The following TNRC6B variants were observed in gnomAD, a reference collection of about 807,000 sequenced individuals.
TNRC6B encodes the protein trinucleotide repeat-containing gene 6B protein.
In TNRC6B, 52 loss-of-function variants were observed where a neutral mutation model predicts 203.6. The ratio of observed to expected loss-of-function variants is 0.26; its 90% CI spans 0.20 to 0.32. TNRC6B has a LOEUF of 0.32. Among genes scored for constraint, TNRC6B ranks in the 10% least tolerant of loss-of-function variants. The pLI is 1.00. For synonymous variants in TNRC6B, 838 were observed against 845.7 expected (o/e 0.99, Z 0.16); for missense variants, 1,923 against 2,286.2 (o/e 0.84, Z 3.24).
At chr22:40,315,898 T>C (rs1264208529) in intron 20 of TNRC6B, 44 bp from the exon 21 acceptor site, 1 of 1,482,234 alleles carries the variant, frequency 6.7e-7, no homozygotes, top group Non-Finnish European at 9.3e-7. Flanking sequence ...TTTTCTTGTT[T>C]TTGTTTTATT....
upstream of TNRC6B, among the ~76,000 whole-genome samples, chr22:40,177,508 C>T (rs756376665): frequency 1.2e-4 from 19 of 152,080 alleles, no homozygotes; most frequent in Admixed American, 3.3e-4. Context: ...CCCTGTATTT[C>T]ACCTCATTCT....
At chr22:40,299,169 A>C (rs1400618490) in intron 12 of TNRC6B, among the ~76,000 whole-genome samples, 5 of 151,614 alleles carry the variant, frequency 3.3e-5, no homozygotes, top group African/African-American at 9.7e-5. Context: ...AAAAAAAAAA[A>C]AAAAACAAAA....
intron 12 of TNRC6B, among the ~76,000 whole-genome samples, chr22:40,295,149 C>T (rs1358187573): frequency 6.6e-6 from 1 of 152,068 alleles, no homozygotes; most frequent in African/African-American, 2.4e-5. Context: ...GAAACCTGAA[C>T]TTGGTCAAAT....
At chr22:40,198,686 C>G (rs1475060337) in intron 1 of TNRC6B, among the ~76,000 whole-genome samples, 1 of 152,098 alleles carries the variant, frequency 6.6e-6, no homozygotes, top group African/African-American at 2.4e-5. Context: ...AGAATTAACC[C>G]TGTGATGCTA....
At chr22:40,214,131 G>T (rs1307977453) in intron 1 of TNRC6B, among the ~76,000 whole-genome samples, 1 of 152,098 alleles carries the variant, frequency 6.6e-6, no homozygotes, top group East Asian at 1.9e-4. Context: ...GCCGGGCGTG[G>T]TGGTGCGCAC....
chr22:40,316,752 A>G (rs575744922), intron 21 of TNRC6B, among the ~76,000 whole-genome samples: 4 of 152,302 alleles, frequency 2.6e-5, no homozygotes, highest in African/African-American at 9.6e-5. Context: ...TTCACAGTCT[A>G]CTTCTGGAGA....
intron 1 of TNRC6B, among the ~76,000 whole-genome samples, chr22:40,091,186 T>C (rs2068148040): frequency 6.6e-6 from 1 of 152,030 alleles, no homozygotes; most frequent in Admixed American, 6.6e-5. Flanking sequence ...GGTTTCACCG[T>C]GTTAGCCAGG....
intron 1 of TNRC6B, among the ~76,000 whole-genome samples, chr22:40,231,465 A>AT (rs1220557330): frequency 1.3e-5 from 2 of 152,196 alleles, no homozygotes; most frequent in East Asian, 3.8e-4. Flanking sequence ...CAGGACTTGC[A>AT]TATTTTTGTC....
intron 1 of TNRC6B, among the ~76,000 whole-genome samples, chr22:40,059,141 A>G (rs930227099): frequency 6.6e-6 from 1 of 151,972 alleles, no homozygotes; most frequent in Non-Finnish European, 1.5e-5. Context: ...TTTTGTCCCC[A>G]TGCTCTATAA....
chr22:40,273,687 C>A, intron 7 of TNRC6B, 87 bp downstream of exon 7: 1 of 1,390,098 alleles, frequency 7.2e-7, no homozygotes, highest in Non-Finnish European at 9.6e-7. Context: ...TGTTTTGAGA[C>A]AAGTTCTCCC....
intron 3 of TNRC6B, among the ~76,000 whole-genome samples, chr22:40,151,041 A>G (rs752429068): frequency 1.3e-5 from 2 of 152,226 alleles, no homozygotes; most frequent in East Asian, 1.9e-4. Flanking sequence ...ATAAAAATCT[A>G]TGAATGAAAG....
chr22:40,090,017 T>C (rs746862536), intron 1 of TNRC6B, among the ~76,000 whole-genome samples: 7 of 152,258 alleles, frequency 4.6e-5, no homozygotes, highest in Middle Eastern at 6.3e-3. Flanking sequence ...GCTTGATAGC[T>C]CATTTCATTT....
At chr22:40,054,104 C>CACCTG (rs2067772989) in intron 1 of TNRC6B, among the ~76,000 whole-genome samples, 1 of 152,160 alleles carries the variant, frequency 6.6e-6, no homozygotes, top group Non-Finnish European at 1.5e-5. Context: ...GTAGTCCCAG[C>CACCTG]TACTCAGGAG....
chr22:40,233,389 C>A (rs998393309), intron 1 of TNRC6B, among the ~76,000 whole-genome samples: 7 of 151,194 alleles, frequency 4.6e-5, no homozygotes, highest in African/African-American at 1.5e-4. Context: ...TTTGGGAGGC[C>A]GAGGAGGGTG....
At chr22:40,237,552 G>T (rs1378746873) in intron 1 of TNRC6B, among the ~76,000 whole-genome samples, 1 of 150,188 alleles carries the variant, frequency 6.7e-6, no homozygotes, top group Non-Finnish European at 1.5e-5. Flanking sequence ...TACCAAGTAA[G>T]CCAGAAAACC....
intron 1 of TNRC6B, among the ~76,000 whole-genome samples, chr22:40,193,374 G>A (rs958656191): frequency 6.6e-6 from 1 of 152,194 alleles, no homozygotes; most frequent in Non-Finnish European, 1.5e-5. Context: ...CAAATAATTA[G>A]GAGTGCCTCA....
intron 5 of TNRC6B, among the ~76,000 whole-genome samples, chr22:40,269,094 T>C (rs2070521699): frequency 6.6e-6 from 1 of 150,390 alleles, no homozygotes; most frequent in South Asian, 2.1e-4. Context: ...TAGCACATAG[T>C]CTGCTGCTTA....
chr22:40,095,138 A>G (rs974110340), intron 1 of TNRC6B, among the ~76,000 whole-genome samples: 1 of 152,238 alleles, frequency 6.6e-6, no homozygotes, highest in East Asian at 1.9e-4. Flanking sequence ...ATTAGGATAC[A>G]TAGATTATTA....
chr22:40,170,279 AG>A (rs1258881896), intron 4 of TNRC6B, among the ~76,000 whole-genome samples: 4 of 134,556 alleles, frequency 3.0e-5, no homozygotes, highest in African/African-American at 1.1e-4. Context: ...CCCTATCTCA[AG>A]GGGGAAAAAA....
Sources: gnomAD v4.1 joint callset for allele counts (sites outside exome capture counted in the v4.1 genomes callset) on GRCh38, gnomAD v4.1.1 for gene constraint, MANE v1.5 for transcripts, NCBI Gene and HGNC (gene_info 2026-07-23, HGNC 2026-07-21) for gene names.